CDH4: variants seen among roughly 807,000 people sequenced by gnomAD.
CDH4 encodes the protein cadherin-4.
A neutral mutation model predicts 86.0 loss-of-function variants in CDH4; 33 were observed. That is an observed-to-expected ratio of 0.38 (90% confidence interval 0.29 to 0.51). The LOEUF (loss-of-function observed/expected upper bound fraction) is 0.51, where lower values mean the gene tolerates loss of function less well. CDH4 is among the 20% of genes least tolerant of loss of function. CDH4 has a pLI of 0.86. For missense variants in CDH4, 1,114 were observed against 1,307.4 expected (o/e 0.85, Z 2.28); for synonymous variants, 555 against 549.4 (o/e 1.01, Z -0.14).
rs1240873607 is a variant in CDH4, at chr20:61,383,562, G to GATATATATGAATATATATGA, written c.169+128631_169+128632insATGAATATATATGAATATAT. ...ATATATATGAATATATATGATATAT[G>GATATATATGAATATATATGA]ATATATGATATATATGAATATATAT... On this transcript the variant is annotated intron_variant, in intron 2 of 15. Transcript: ENST00000614565. Among the ~76,000 whole-genome samples, 5 of 1,926 alleles carry GATATATATGAATATATATGA rather than the reference G, an allele frequency of 2.6e-3. 2 individuals are homozygous for GATATATATGAATATATATGA. Among genetic ancestry groups the GATATATATGAATATATATGA allele is most frequent in the African/African-American group, 0.015 (5 of 344 alleles). The allele number at this position is 1,926 out of a possible 152,430, so 1.3% of individuals were successfully genotyped here. A position where few individuals can be genotyped will look rare whatever the true frequency, so the allele number is the denominator to read the frequency against.
chr20:61,451,686 AAAGAG>A (rs2085381650), intron 2 of CDH4, among the ~76,000 whole-genome samples: 2 of 151,966 alleles, frequency 1.3e-5, no homozygotes, highest in African/African-American at 4.8e-5. Flanking sequence ...GGAGGGCACT[AAAGAG>A]AGGAGAGGGG....
chr20:61,686,782 T>C (rs1448612029), intron 2 of CDH4, among the ~76,000 whole-genome samples: 1 of 152,206 alleles, frequency 6.6e-6, no homozygotes, highest in African/African-American at 2.4e-5. Flanking sequence ...CGCGTGTGTG[T>C]GTGCATGTGT....
chr20:61,762,011 C>T lies in CDH4; in HGVS notation c.397-10992C>T, dbSNP rs141153045. ...CGCAAGGAAAAGCTGCAATGCTTTG[C>T]CTTTGCAGCCAGTCCAGCCTCAAGG... On this transcript the variant is annotated intron_variant, in intron 3 of 15. Transcript: ENST00000614565. 2.6e-5 allele frequency among the ~76,000 whole-genome samples: 4 copies of T among 152,380 alleles called. No homozygotes were observed. The East Asian group carries it at 7.7e-4, about 29-fold the overall frequency.
chr20:61,267,668 A>T (rs1468134702), intron 2 of CDH4, among the ~76,000 whole-genome samples: 3 of 152,332 alleles, frequency 2.0e-5, no homozygotes, highest in Admixed American at 6.5e-5. Flanking sequence ...ACATAGATAT[A>T]CTGTAAATAT....
At chr20:61,440,849 A>G (rs2085311576) in intron 2 of CDH4, among the ~76,000 whole-genome samples, 1 of 152,192 alleles carries the variant, frequency 6.6e-6, no homozygotes, top group Non-Finnish European at 1.5e-5. Context: ...TGGCAATCAC[A>G]TCAGGTGTCT....
intron 4 of CDH4, among the ~76,000 whole-genome samples, chr20:61,834,313 C>A (rs565738983): frequency 8.2e-4 from 125 of 152,354 alleles, no homozygotes; most frequent in African/African-American, 2.7e-3. Context: ...GGCCTAGGAT[C>A]TGGGGCCTGG....
At chr20:61,904,675 C>T (rs1341519976) in intron 8 of CDH4, among the ~76,000 whole-genome samples, 5 of 152,232 alleles carry the variant, frequency 3.3e-5, no homozygotes, top group Non-Finnish European at 5.9e-5. Flanking sequence ...CCCTCCTCCC[C>T]GTGACACAGA....
chr20:61,937,000 G>A lies in CDH4; in HGVS notation c.*57G>A. ...CCGTGCTCGGACGCCGGAGGAGCAG[G>A]ACTGAGCAGAGGCGGCCGGTCTTCC... is the stretch of plus-strand genomic sequence containing the variant. On this transcript the variant is annotated 3_prime_UTR_variant, in exon 16 of 16. Coordinates refer to ENST00000614565, the MANE Select transcript of CDH4 (RefSeq NM_001794.5). 6.8e-7 allele frequency: 1 copy of A among 1,467,080 alleles called. No individual in the cohort carries two copies. The highest frequency in any genetic ancestry group is 9.2e-7 in the Non-Finnish European group (1 of 1,088,746). The allele number at this position is 1,467,080 out of a possible 1,614,324, so 90.9% of individuals were successfully genotyped here.
intron 2 of CDH4, among the ~76,000 whole-genome samples, chr20:61,618,548 G>A (rs549974415): frequency 2.3e-4 from 35 of 152,284 alleles, no homozygotes; most frequent in Non-Finnish European, 4.0e-4. Context: ...ACCCCGGCCT[G>A]TGTGCTCAGC....
In CDH4 at chr20:61,377,365, AC is replaced by A. The variant is rs1267889808; in HGVS notation, c.169+122429del. ...CATTCCATGTCTAAGTGCCCATCGG[AC>A]GGTTGAGTTGTGTGGTCCAGGGCTC... is the stretch of plus-strand genomic sequence containing the variant. On this transcript the variant is annotated intron_variant, in intron 2 of 15. Coordinates refer to ENST00000614565, the MANE Select transcript of CDH4 (RefSeq NM_001794.5). The surrounding 1 kb of genome is among the most constrained non-coding windows in gnomAD (Gnocchi z 4.0). Among the ~76,000 whole-genome samples, 1 of 151,996 alleles carries A rather than the reference AC, an allele frequency of 6.6e-6. No individual in the cohort carries two copies. Among genetic ancestry groups the A allele is most frequent in the East Asian group, 1.9e-4 (1 of 5,174 alleles).
In CDH4 at chr20:61,344,918, T is replaced by C. The variant is rs191382089; in HGVS notation, c.169+89981T>C. Among the ~76,000 whole-genome samples the C allele has an allele frequency of 2.8e-3, 422 of 152,260 alleles. 8 individuals are homozygous for C. The highest frequency in any genetic ancestry group is 0.023 in the Admixed American group (358 of 15,294). On this transcript the variant is annotated intron_variant, in intron 2 of 15. Coordinates refer to ENST00000614565, the MANE Select transcript of CDH4 (RefSeq NM_001794.5). Reference sequence around the variant, plus strand: ...TTGCGTCCTTTGAAACAAAGTCAGGTTCTGCGCCGGCTATTGACCCGCAGA... The same window carrying C: ...TTGCGTCCTTTGAAACAAAGTCAGGCTCTGCGCCGGCTATTGACCCGCAGA...
chr20:61,371,480 C>T (rs939934559), intron 2 of CDH4, among the ~76,000 whole-genome samples: 2 of 152,230 alleles, frequency 1.3e-5, no homozygotes, highest in African/African-American at 2.4e-5. Context: ...TCAGTGCCAT[C>T]GGGAAAAGCC....
chr20:61,589,714 G>A (rs561031758), intron 2 of CDH4, among the ~76,000 whole-genome samples: 38 of 151,486 alleles, frequency 2.5e-4, no homozygotes, highest in Non-Finnish European at 2.1e-4. Context: ...CCATTAACTC[G>A]TCATTTAGCA....
At chr20:61,438,765 T>A (rs578181857) in intron 2 of CDH4, among the ~76,000 whole-genome samples, 2 of 152,302 alleles carry the variant, frequency 1.3e-5, no homozygotes, top group African/African-American at 4.8e-5. Context: ...GTCCACTAAC[T>A]ACCCACAGAA....
rs1378883890 is a variant in CDH4 at position 61,879,521 on chromosome 20, C to T, written c.1050+5621C>T. Among the ~76,000 whole-genome samples, 2 of 152,148 alleles carry T rather than the reference C, an allele frequency of 1.3e-5. No individual in the cohort carries two copies. The highest frequency in any genetic ancestry group is 2.4e-5 in the African/African-American group (1 of 41,424). ...GAAAATCCACAAACATCATTGCCGCCGTGTCTAATTAGGCAGAGCTATGTA... is the reference window on the plus strand; with the variant it reads ...GAAAATCCACAAACATCATTGCCGCTGTGTCTAATTAGGCAGAGCTATGTA... On this transcript the variant is annotated intron_variant, in intron 7 of 15. Transcript: ENST00000614565. This position sits in a 1 kb window ranked among gnomAD's most constrained non-coding sequence, Gnocchi z 4.1.
chr20:61,887,265 G>A (rs768763239), intron 7 of CDH4, among the ~76,000 whole-genome samples: 10 of 152,172 alleles, frequency 6.6e-5, no homozygotes, highest in Non-Finnish European at 1.0e-4. Context: ...GGCTGCTTCC[G>A]GGGGTCCCCT....
intron 2 of CDH4, among the ~76,000 whole-genome samples, chr20:61,473,851 A>ACCC (rs2085519941): frequency 2.6e-5 from 4 of 151,810 alleles, no homozygotes; most frequent in African/African-American, 9.7e-5. Flanking sequence ...ACACTCACAT[A>ACCC]CCCCTCCTCT....
At chr20:61,801,250 A>G (rs1192958549) in intron 4 of CDH4, among the ~76,000 whole-genome samples, 1 of 152,022 alleles carries the variant, frequency 6.6e-6, no homozygotes, top group Non-Finnish European at 1.5e-5. Flanking sequence ...TGGTCCCCCG[A>G]CACCTAGACA....
At chr20:61,441,575 G>A (rs1327106423) in intron 2 of CDH4, among the ~76,000 whole-genome samples, 4 of 152,198 alleles carry the variant, frequency 2.6e-5, no homozygotes, top group African/African-American at 9.7e-5. Flanking sequence ...GGGCCTTTGG[G>A]TGGTTATGAG....
Sources: gnomAD v4.1 joint callset for allele counts (sites outside exome capture counted in the v4.1 genomes callset) on GRCh38, gnomAD v4.1.1 for gene constraint, Gnocchi (gnomAD v3.1) non-coding constraint, MANE v1.5 for transcripts, NCBI Gene and HGNC (gene_info 2026-07-23, HGNC 2026-07-21) for gene names.